PLD1: variants seen among roughly 807,000 people sequenced by gnomAD.
The protein encoded by PLD1 is phospholipase D1.
PLD1 carries 112 observed loss-of-function variants against 137.1 expected under a neutral mutation model. The ratio of observed to expected loss-of-function variants is 0.82; its 90% CI spans 0.70 to 0.96. The LOEUF (loss-of-function observed/expected upper bound fraction) is 0.96. PLD1 is among the 40% of genes least tolerant of loss of function. The pLI, the probability that PLD1 is intolerant of heterozygous loss-of-function variation, is 0.00. For synonymous variants in PLD1, 431 were observed against 454.7 expected (o/e 0.95, Z 0.66); for missense variants, 1,321 against 1,342.0 (o/e 0.98, Z 0.24).
At chr3:171,764,832 AAAG>A (rs1721709460) in intron 1 of PLD1, among the ~76,000 whole-genome samples, 1 of 7,604 alleles carries the variant, frequency 1.3e-4, no homozygotes, top group South Asian at 2.4e-3. Flanking sequence ...AAAGAGAAAG[AAAG>A]AAAGAAAGAA....
At chr3:171,795,705 T>C (rs1444633939) in intron 1 of PLD1, among the ~76,000 whole-genome samples, 1 of 152,208 alleles carries the variant, frequency 6.6e-6, no homozygotes, top group South Asian at 2.1e-4. Flanking sequence ...TCTTACCCAT[T>C]TCTTGTGTTT....
chr3:171,603,386 C>G lies in PLD1; in HGVS notation c.3001-84G>C, dbSNP rs140956708. On this transcript the variant is annotated intron_variant, in intron 26 of 26. Coordinates refer to ENST00000351298, the MANE Select transcript of PLD1 (RefSeq NM_002662.5). The stretch of plus-strand genomic sequence containing the variant: ...TATGGAAAATAATTATTCCAACAGA[C>G]AAGACCTCTGTTGTATGAAACATAT... 64 of 878,534 alleles carry G rather than the reference C, an allele frequency of 7.3e-5. No individual in the cohort carries two copies. The African/African-American group carries it at 1.1e-3, about 15-fold the overall frequency. The allele number at this position is 878,534 out of a possible 1,614,324, so 54.4% of individuals were successfully genotyped here.
chr3:171,688,778 C>T lies in PLD1; in HGVS notation c.1437G>A (p.Gly479=). 2 of 1,614,086 alleles carry T rather than the reference C, an allele frequency of 1.2e-6. No homozygotes were observed. Among genetic ancestry groups the T allele is most frequent in the Non-Finnish European group, 1.7e-6 (2 of 1,179,974 alleles). Residue 479 remains glycine (G), a synonymous_variant, in exon 14 of 27, where the codon GGG becomes GGA. Transcript: ENST00000351298. ...CCCACCTTCCATAGGCCAGGTCAAT[C>T]CCTCCCACAAAGGCCACCGATTGGT... ...IIDQSVAFVG[G]IDLAYGRWDD... is the part of the protein sequence containing the mutation.
At chr3:171,792,883 C>G in intron 1 of PLD1, 1 of 346,196 alleles carries the variant, frequency 2.9e-6, no homozygotes, top group East Asian at 8.1e-5. Flanking sequence ...ACACAAAGCC[C>G]TTTGGCCCAC....
chr3:171,777,298 C>T (rs901955260), intron 1 of PLD1, among the ~76,000 whole-genome samples: 6 of 152,274 alleles, frequency 3.9e-5, no homozygotes, highest in Non-Finnish European at 7.4e-5. Context: ...TCCCAGGAAC[C>T]GGAGAGCTGG....
intron 1 of PLD1, among the ~76,000 whole-genome samples, chr3:171,785,605 ATT>A (rs1258303951): frequency 1.3e-5 from 2 of 152,038 alleles, no homozygotes; most frequent in African/African-American, 4.8e-5. Flanking sequence ...CGGCAAGCTA[ATT>A]TTTGTATTTT....
intron 1 of PLD1, among the ~76,000 whole-genome samples, chr3:171,750,873 T>C (rs1720604359): frequency 6.6e-6 from 1 of 152,104 alleles, no homozygotes; most frequent in Non-Finnish European, 1.5e-5. Context: ...AACAGAGAAA[T>C]TATAATAGGT....
At chr3:171,628,283 C>T (rs1219313553) in intron 23 of PLD1, among the ~76,000 whole-genome samples, 3 of 152,206 alleles carry the variant, frequency 2.0e-5, no homozygotes, top group Non-Finnish European at 4.4e-5. Flanking sequence ...AATTCCTCAA[C>T]ATATACACCC....
intron 1 of PLD1, chr3:171,771,426 A>G (rs1431950319): frequency 1.3e-5 from 2 of 152,274 alleles, no homozygotes; most frequent in African/African-American, 4.8e-5. Context: ...AGCTTTAGTA[A>G]TGAACTTGAA....
At chr3:171,621,925 T>C (rs1039048731) in intron 23 of PLD1, among the ~76,000 whole-genome samples, 3 of 152,226 alleles carry the variant, frequency 2.0e-5, no homozygotes, top group Non-Finnish European at 4.4e-5. Context: ...AATCTTCAAG[T>C]TATTCTACTG....
intron 1 of PLD1, among the ~76,000 whole-genome samples, chr3:171,760,838 A>G (rs1721343184): frequency 6.6e-6 from 1 of 152,236 alleles, no homozygotes; most frequent in Admixed American, 6.5e-5. Context: ...CAAGCAATGG[A>G]TCGTATTAAA....
chr3:171,809,568 T>C (rs1214813632), intron 1 of PLD1: 1 of 152,218 alleles, frequency 6.6e-6, no homozygotes, highest in Non-Finnish European at 1.5e-5. Context: ...AAGAAACTGT[T>C]GTGGTCTGTT....
At chr3:171,611,384 AG>A (rs988359405) in intron 25 of PLD1, 5 of 283,426 alleles carry the variant, frequency 1.8e-5, no homozygotes, top group Non-Finnish European at 3.6e-5. Flanking sequence ...TGAGCAGAGA[AG>A]CAACATGATC....
At chr3:171,751,263 C>G (rs1386865253) in intron 1 of PLD1, among the ~76,000 whole-genome samples, 1 of 152,102 alleles carries the variant, frequency 6.6e-6, no homozygotes, top group Non-Finnish European at 1.5e-5. Context: ...GAAGAATGTT[C>G]TTAAGACCTT....
chr3:171,706,225 C>T (rs1433366348), intron 11 of PLD1, among the ~76,000 whole-genome samples: 1 of 151,742 alleles, frequency 6.6e-6, no homozygotes, highest in African/African-American at 2.4e-5. Flanking sequence ...ACATTGTACC[C>T]TTTCTTTCTT....
intron 1 of PLD1, among the ~76,000 whole-genome samples, chr3:171,738,440 T>G (rs929141548): frequency 6.6e-6 from 1 of 152,224 alleles, no homozygotes; most frequent in Non-Finnish European, 1.5e-5. Context: ...GATTATTTGC[T>G]GTAATAAATA....
At chr3:171,751,629 T>C (rs1052493073) in intron 1 of PLD1, among the ~76,000 whole-genome samples, 1 of 152,198 alleles carries the variant, frequency 6.6e-6, no homozygotes, top group Non-Finnish European at 1.5e-5. Context: ...GGAAAATTTT[T>C]CCAAGTATAA....
chr3:171,745,481 C>A (rs1256867161), intron 1 of PLD1, among the ~76,000 whole-genome samples: 1 of 152,218 alleles, frequency 6.6e-6, no homozygotes, highest in African/African-American at 2.4e-5. Context: ...ATGCCACCAA[C>A]AATCTCAGCC....
chr3:171,719,060 CA>C lies in PLD1; in HGVS notation c.759-5016del, dbSNP rs1391196837. Among the ~76,000 whole-genome samples the C allele has an allele frequency of 7.9e-5, 12 of 152,276 alleles. No individual in the cohort carries two copies. The East Asian group carries it at 2.3e-3, about 29-fold the overall frequency. On this transcript the variant is annotated intron_variant, in intron 8 of 26. Transcript: ENST00000351298. ...TACTATTGTCTCTCACAATGTTAGT[CA>C]ATGTTGGTTCTTCTTTAGACTTGCC... is the stretch of plus-strand genomic sequence containing the variant.
Sources: gnomAD v4.1 joint callset for allele counts (sites outside exome capture counted in the v4.1 genomes callset) on GRCh38, gnomAD v4.1.1 for gene constraint, MANE v1.5 for transcripts, NCBI Gene and HGNC (gene_info 2026-07-23, HGNC 2026-07-21) for gene names.